Variants in FAM227B observed in about 807,000 individuals in gnomAD.
FAM227B encodes protein FAM227B.
In FAM227B, 88 loss-of-function variants were observed where a neutral mutation model predicts 73.8. That is an observed-to-expected ratio of 1.19 (90% CI 1.00 to 1.42). The LOEUF is 1.42. FAM227B is among the 40% of genes most tolerant of loss of function. FAM227B has a pLI of 0.00. For missense variants in FAM227B, 632 were observed against 590.9 expected, an observed-to-expected ratio of 1.07 and a Z score of -0.72; for synonymous variants, 210 against 190.5, an observed-to-expected ratio of 1.10 and a Z score of -0.84.
Position 49,615,130 on chromosome 15 carries a change from A to G in FAM227B, c.42T>C (p.Ala14=). 2.5e-6 allele frequency: 4 copies of G among 1,614,036 alleles called. No homozygotes were observed. The highest frequency in any genetic ancestry group is 3.4e-6 in the Non-Finnish European group (4 of 1,179,902). Residue 14 remains alanine (A), a synonymous_variant, in exon 2 of 16, where the codon GCT becomes GCC. Coordinates refer to ENST00000299338, the MANE Select transcript of FAM227B (RefSeq NM_152647.3). ...GTGGAAGCTTCCTTACCCCGGGGCC[A>G]GCTCTGCTGCTCCTCCTTTGACATG... is the stretch of plus-strand genomic sequence containing the variant. ...QRTCQRRSSR[A]GPGKMQEPPK...
At chr15:49,562,465 T>C (rs994694315) in intron 9 of FAM227B, among the ~76,000 whole-genome samples, 9 of 152,018 alleles carry the variant, frequency 5.9e-5, no homozygotes, top group African/African-American at 2.2e-4. Context: ...TCAAAGAAAC[T>C]GAGGAACCTT....
At chr15:49,503,289 G>A (rs2058301615) in intron 11 of FAM227B, among the ~76,000 whole-genome samples, 1 of 152,152 alleles carries the variant, frequency 6.6e-6, no homozygotes, top group South Asian at 2.1e-4. Context: ...ATGGATTAAA[G>A]ACTTAAACGT....
At chr15:49,467,664 A>G (rs2054385106) in intron 11 of FAM227B, among the ~76,000 whole-genome samples, 1 of 152,178 alleles carries the variant, frequency 6.6e-6, no homozygotes. Flanking sequence ...AAAAAAACAC[A>G]GTGTTGTATT....
At chr15:49,388,374 GT>G (rs1213341790) in intron 11 of FAM227B, among the ~76,000 whole-genome samples, 2 of 151,378 alleles carry the variant, frequency 1.3e-5, no homozygotes, top group Non-Finnish European at 3.0e-5. Flanking sequence ...AAAAATATAA[GT>G]TAGGGAATTG....
chr15:49,439,335 A>AGG (rs1473940994), intron 11 of FAM227B, among the ~76,000 whole-genome samples: 1 of 151,624 alleles, frequency 6.6e-6, no homozygotes, highest in African/African-American at 2.4e-5. Flanking sequence ...AGAGAGAGAG[A>AGG]GAATCTTTAA....
chr15:49,552,608 A>G (rs902726621), intron 9 of FAM227B, among the ~76,000 whole-genome samples: 5 of 151,638 alleles, frequency 3.3e-5, no homozygotes, highest in African/African-American at 4.9e-5. Flanking sequence ...AAGGCCAACA[A>G]CTCAGATTTG....
At chr15:49,440,674 TC>T (rs1391794598) in intron 11 of FAM227B, among the ~76,000 whole-genome samples, 5 of 151,740 alleles carry the variant, frequency 3.3e-5, no homozygotes, top group Non-Finnish European at 5.9e-5. Context: ...TTACATGATT[TC>T]TCTCATCTAA....
chr15:49,374,466 G>T (rs537140662), intron 11 of FAM227B, among the ~76,000 whole-genome samples: 5 of 152,210 alleles, frequency 3.3e-5, no homozygotes, highest in African/African-American at 1.2e-4. Flanking sequence ...TAGGCAAAAT[G>T]TATGTGATCT....
At chr15:49,492,861 T>C (rs1195538046) in intron 11 of FAM227B, among the ~76,000 whole-genome samples, 3 of 151,960 alleles carry the variant, frequency 2.0e-5, no homozygotes, top group Non-Finnish European at 4.4e-5. Flanking sequence ...AGTGGGATGT[T>C]GGTGCAGCAT....
intron 11 of FAM227B, among the ~76,000 whole-genome samples, chr15:49,405,922 T>G (rs1465953731): frequency 6.6e-6 from 1 of 152,180 alleles, no homozygotes; most frequent in East Asian, 1.9e-4. Context: ...GAATGGTTAT[T>G]TCTTTTATCC....
chr15:49,379,437 G>A (rs1445913634), intron 11 of FAM227B, among the ~76,000 whole-genome samples: 2 of 152,080 alleles, frequency 1.3e-5, no homozygotes. Context: ...TCTTTACCAG[G>A]AGACTTTTTG....
At chr15:49,537,475 A>T (rs1161188129) in intron 10 of FAM227B, among the ~76,000 whole-genome samples, 3 of 152,164 alleles carry the variant, frequency 2.0e-5, no homozygotes, top group Admixed American at 6.5e-5. Flanking sequence ...AAGAATGTAG[A>T]CTGGTGCAGC....
At chr15:49,396,712 G>A (rs1245778466) in intron 11 of FAM227B, among the ~76,000 whole-genome samples, 4 of 150,182 alleles carry the variant, frequency 2.7e-5, no homozygotes, top group East Asian at 3.9e-4. Context: ...CAGCCTAACT[G>A]GGAGGCACCC....
At chr15:49,525,089 T>A (rs181501785) in intron 10 of FAM227B, among the ~76,000 whole-genome samples, 1,690 of 152,152 alleles carry the variant, frequency 0.011, 21 homozygotes, top group Non-Finnish European at 0.014. Flanking sequence ...GCATTATTGG[T>A]TTTGAAATGT....
intron 9 of FAM227B, among the ~76,000 whole-genome samples, chr15:49,548,321 T>C (rs996410509): frequency 2.0e-5 from 3 of 152,336 alleles, no homozygotes; most frequent in East Asian, 1.9e-4. Flanking sequence ...ATGTATTACA[T>C]TGATTGATTT....
intron 9 of FAM227B, among the ~76,000 whole-genome samples, chr15:49,550,036 CGGGGCGGCTGGCCGGGCTGGGGGCTG>C (rs2072636208): frequency 7.4e-6 from 1 of 135,402 alleles, no homozygotes; most frequent in Non-Finnish European, 1.7e-5. Context: ...CCCTCCCGGA[CGGGGCGGCTGGCCGGGCTGGGGGCTG>C]ATCCCCCCAC....
intron 8 of FAM227B, among the ~76,000 whole-genome samples, chr15:49,569,857 A>C (rs2074963863): frequency 6.6e-6 from 1 of 151,990 alleles, no homozygotes; most frequent in Non-Finnish European, 1.5e-5. Context: ...TTCCACATAT[A>C]AGTGAGATCA....
At chr15:49,348,662 A>G (rs4421927) in intron 13 of FAM227B, among the ~76,000 whole-genome samples, 62,962 of 152,000 alleles carry the variant, frequency 0.41, 13,177 homozygotes, top group African/African-American at 0.43. Flanking sequence ...CCACCTCCTA[A>G]GAGAGAAGTA....
At chr15:49,383,906 C>G (rs2046706016) in intron 11 of FAM227B, among the ~76,000 whole-genome samples, 2 of 152,052 alleles carry the variant, frequency 1.3e-5, no homozygotes, top group African/African-American at 4.8e-5. Flanking sequence ...ATTTGTCATT[C>G]TCCCCCCAAA....
Sources: allele counts gnomAD v4.1 joint callset (sites outside exome capture counted in the v4.1 genomes callset), GRCh38; gene constraint gnomAD v4.1.1; transcripts MANE v1.5; gene names NCBI Gene and HGNC (gene_info 2026-07-23, HGNC 2026-07-21).